RFC3: variants seen among roughly 807,000 people sequenced by gnomAD.
The protein encoded by RFC3 is A1 38 kDa subunit.
RFC3 carries 41 observed loss-of-function variants against 45.1 expected under a neutral mutation model. The observed-to-expected ratio is 0.91, with a 90% confidence interval of 0.71 to 1.18. The LOEUF is 1.18. Ranked by LOEUF, RFC3 falls within the 50% of genes most tolerant of loss-of-function variation. RFC3 has a pLI of 0.00. For synonymous variants in RFC3, 149 were observed against 144.0 expected (o/e 1.03, Z -0.25); for missense variants, 423 against 428.1 (o/e 0.99, Z 0.10).
At position 33,895,988 on chromosome 13, in the gene RFC3, T is replaced by G. The variant is rs540093653; in HGVS notation, c.879+60771T>G. On this transcript the variant is annotated intron_variant, in intron 8 of 8. Transcript: ENST00000434425. Reference sequence around the variant, plus strand: ...TGCAAAGGCATACACAGTGGTATAATGGACTTTGGAGACTCAGAATGGGGG... The same window carrying G: ...TGCAAAGGCATACACAGTGGTATAAGGGACTTTGGAGACTCAGAATGGGGG... 3.9e-5 allele frequency among the ~76,000 whole-genome samples: 6 copies of G among 152,164 alleles called. No individual in the cohort carries two copies. The East Asian group carries it at 1.2e-3, about 29-fold the overall frequency.
intron 8 of RFC3, among the ~76,000 whole-genome samples, chr13:33,952,032 A>T (rs940966089): frequency 2.0e-5 from 3 of 152,232 alleles, no homozygotes; most frequent in Non-Finnish European, 2.9e-5. Flanking sequence ...CCCAAGAATA[A>T]CATTGGATTC....
intron 8 of RFC3, chr13:33,846,235 C>CT (rs1474855467): frequency 6.6e-6 from 1 of 152,272 alleles, no homozygotes; most frequent in Non-Finnish European, 1.5e-5. Context: ...CAGAACATCT[C>CT]TGAGTCTCAC....
intron 8 of RFC3, chr13:33,850,932 G>T (rs1478528690): frequency 6.6e-6 from 1 of 152,122 alleles, no homozygotes; most frequent in Non-Finnish European, 1.5e-5. Flanking sequence ...TTCTGTGGTA[G>T]TTGATATTAC....
chr13:33,899,403 C>T (rs1034658516), intron 8 of RFC3, among the ~76,000 whole-genome samples: 1 of 151,574 alleles, frequency 6.6e-6, no homozygotes, highest in Non-Finnish European at 1.5e-5. Flanking sequence ...AAATGTGATA[C>T]ATCATATCAA....
intron 8 of RFC3, among the ~76,000 whole-genome samples, chr13:33,878,155 GTAT>G: frequency 6.6e-6 from 1 of 152,252 alleles, no homozygotes; most frequent in South Asian, 2.1e-4. Context: ...TTATTGTTCT[GTAT>G]TATTATTGTT....
chr13:33,831,407 A>G (rs913194418), intron 7 of RFC3, 53 bp downstream of exon 7: 13 of 894,852 alleles, frequency 1.5e-5, no homozygotes, highest in Admixed American at 1.1e-4. Flanking sequence ...ATATCATAGG[A>G]CACATATTAA....
chr13:33,868,889 C>T (rs936822829), intron 8 of RFC3, among the ~76,000 whole-genome samples: 7 of 152,214 alleles, frequency 4.6e-5, no homozygotes, highest in African/African-American at 1.2e-4. Flanking sequence ...ACTCCTTTCC[C>T]GTGGCCTCTG....
At chr13:33,928,278 C>T (rs571155261) in intron 8 of RFC3, among the ~76,000 whole-genome samples, 1 of 152,140 alleles carries the variant, frequency 6.6e-6, no homozygotes, top group African/African-American at 2.4e-5. Context: ...GAAATGACAA[C>T]TTGAGATGCA....
intron 8 of RFC3, among the ~76,000 whole-genome samples, chr13:33,949,641 A>G (rs1593713390): frequency 6.6e-6 from 1 of 152,284 alleles, no homozygotes; most frequent in Admixed American, 6.5e-5. Flanking sequence ...GATTAATTTT[A>G]TGTGTCAACT....
chr13:33,837,644 A>G (rs2082167806), downstream of RFC3: 1 of 152,126 alleles, frequency 6.6e-6, no homozygotes, highest in Admixed American at 6.6e-5. Flanking sequence ...CACTTCTACC[A>G]GCAATATAAG....
At position 33,837,001 on chromosome 13, in the gene RFC3, C is replaced by G. The variant is rs917655603; in HGVS notation, c.*706C>G. ...CAGGTTTTGTGTTTTGTCATTAGCT[C>G]TGCCCTTTTTAATTAAATATTTTGG... On this transcript the variant is annotated 3_prime_UTR_variant, in exon 9 of 9. Transcript: ENST00000380071. The G allele has an allele frequency of 4.1e-6, 4 of 984,652 alleles. No individual in the cohort carries two copies. The highest frequency in any genetic ancestry group is 3.6e-6 in the Non-Finnish European group (3 of 829,288). 61.0% of individuals were successfully genotyped at this position (984,652 alleles called of 1,614,324 possible).
chr13:33,822,961 G>A (rs138853240), intron 2 of RFC3, among the ~76,000 whole-genome samples: 175 of 152,184 alleles, frequency 1.1e-3, no homozygotes, highest in African/African-American at 4.1e-3. Context: ...TTACAAATTG[G>A]CAACAGAAAG....
chr13:33,871,105 G>A (rs904193341), intron 8 of RFC3, among the ~76,000 whole-genome samples: 3 of 152,202 alleles, frequency 2.0e-5, no homozygotes, highest in Non-Finnish European at 4.4e-5. Flanking sequence ...AGCTAGTAAT[G>A]TCAGAGACAA....
chr13:33,909,658 GGTT>G (rs2137695527), intron 8 of RFC3, among the ~76,000 whole-genome samples: 1 of 152,142 alleles, frequency 6.6e-6, no homozygotes, highest in South Asian at 2.1e-4. Context: ...GGTTGCCCTA[GGTT>G]GTTCTTTCTT....
At chr13:33,832,065 G>A (rs1320858399) in intron 7 of RFC3, among the ~76,000 whole-genome samples, 1 of 152,128 alleles carries the variant, frequency 6.6e-6, no homozygotes, top group Non-Finnish European at 1.5e-5. Context: ...TTTGTAGGTT[G>A]ACCATTCTGA....
chr13:33,908,853 A>G (rs2082687856), intron 8 of RFC3, among the ~76,000 whole-genome samples: 3 of 152,040 alleles, frequency 2.0e-5, no homozygotes, highest in African/African-American at 7.2e-5. Flanking sequence ...GTTTTAGTCA[A>G]TGTTTAAAAG....
the RFC3 span, among the ~76,000 whole-genome samples, chr13:33,971,569 C>T: frequency 6.6e-6 from 1 of 152,192 alleles, no homozygotes; most frequent in Non-Finnish European, 1.5e-5. Flanking sequence ...GGCATAAGAG[C>T]AGCCATAGGC....
rs553935965 is a variant in RFC3, at chr13:33,932,082, A to G, written c.880-34005A>G. 2.0e-5 allele frequency among the ~76,000 whole-genome samples: 3 copies of G among 152,240 alleles called. No homozygotes were observed. The East Asian group carries it at 5.8e-4, about 29-fold the overall frequency. On this transcript the variant is annotated intron_variant, in intron 8 of 8. Coordinates refer to the RFC3 transcript ENST00000434425. The stretch of plus-strand genomic sequence containing the variant: ...TTACTATGTTCCAAGCACTGCAGAG[A>G]TATCAGTATGAATGAAACAGTCATG...
Position 33,836,173 on chromosome 13 carries a change from T to G in RFC3, c.949T>G (p.Tyr317Asp). 1 of 1,613,430 alleles carries G rather than the reference T, an allele frequency of 6.2e-7. No individual in the cohort carries two copies. The highest frequency in any genetic ancestry group is 8.5e-7 in the Non-Finnish European group (1 of 1,179,492). The change falls in exon 9 of 9, where the codon TAC becomes GAC. Residue 317 changes from tyrosine to aspartate, a missense_variant. Transcript: ENST00000380071. ...LKGEVAQMAA[Y>D]YEHRLQLGSK... ...AGGGGAGGTGGCACAAATGGCAGCT[T>G]ACTATGAGCATCGTCTACAGCTGGG... is the stretch of plus-strand genomic sequence containing the variant.
Sources: allele counts gnomAD v4.1 joint callset (sites outside exome capture counted in the v4.1 genomes callset), GRCh38; gene constraint gnomAD v4.1.1; transcripts MANE v1.5; gene names NCBI Gene and HGNC (gene_info 2026-07-23, HGNC 2026-07-21).